The following ZNF131 variants were observed in gnomAD, a reference collection of about 807,000 sequenced individuals.
The protein encoded by ZNF131 is zinc finger and BTB domain containing 35, also known as zinc finger protein 131.
A neutral mutation model predicts 60.0 loss-of-function variants in ZNF131; 7 were observed. That is an observed-to-expected ratio of 0.12 (90% CI 0.07 to 0.22). The LOEUF (loss-of-function observed/expected upper bound fraction) is 0.22. Among genes scored for constraint, ZNF131 ranks in the 10% least tolerant of loss-of-function variants. The pLI is 1.00. For synonymous variants in ZNF131, 257 were observed against 253.2 expected (o/e 1.01, Z -0.14); for missense variants, 493 against 740.9 (o/e 0.67, Z 3.88).
chr5:43,122,248 T>A, intron 2 of ZNF131, 71 bp downstream of exon 2: 2 of 147,962 alleles, frequency 1.4e-5, no homozygotes, highest in Non-Finnish European at 2.2e-5. Flanking sequence ...ACACCCGCCT[T>A]TTTTTTTTTT....
chr5:43,123,951 G>A (rs1265320733), intron 3 of ZNF131: 3 of 152,304 alleles, frequency 2.0e-5, no homozygotes, highest in Admixed American at 1.3e-4. Flanking sequence ...TTTGTGTATT[G>A]TCTAAGGCTC....
At chr5:43,151,196 C>CT (rs1261441285) in intron 4 of ZNF131, among the ~76,000 whole-genome samples, 2 of 152,176 alleles carry the variant, frequency 1.3e-5, no homozygotes, top group Non-Finnish European at 2.9e-5. Flanking sequence ...AACATATCAG[C>CT]TTAAGTCATG....
intron 5 of ZNF131, among the ~76,000 whole-genome samples, chr5:43,171,934 TA>T (rs1316386579): frequency 1.3e-5 from 2 of 152,142 alleles, no homozygotes; most frequent in African/African-American, 4.8e-5. Context: ...GTTTTATTTT[TA>T]AATAGAGATG....
intron 3 of ZNF131, among the ~76,000 whole-genome samples, chr5:43,138,782 TA>T: frequency 6.6e-6 from 1 of 152,312 alleles, no homozygotes; most frequent in East Asian, 1.9e-4. Context: ...GGCCTTGAAA[TA>T]AAGTCAGAGA....
intron 1 of ZNF131, 80 bp from the exon 2 acceptor site, chr5:43,121,959 T>A (rs1743902582): frequency 2.1e-6 from 3 of 1,434,080 alleles, no homozygotes; most frequent in Non-Finnish European, 2.8e-6. Context: ...CTGGTTTTTT[T>A]TGTTGTTGTT....
At chr5:43,143,898 CTTTTTTTTTTTTTT>C (rs79246574) in intron 4 of ZNF131, among the ~76,000 whole-genome samples, 44 of 34,994 alleles carry the variant, frequency 1.3e-3, no homozygotes, top group South Asian at 6.1e-3. Context: ...ATTGTCAGAG[CTTTTTTTTTTTTTT>C]TTTTTTTTTT....
chr5:43,125,308 CT>C (rs1744384963), intron 3 of ZNF131, among the ~76,000 whole-genome samples: 1 of 149,654 alleles, frequency 6.7e-6, no homozygotes, highest in African/African-American at 2.4e-5. Context: ...TTTTTTTTTT[CT>C]TTTTTTTGGA....
At chr5:43,171,943 A>G (rs890918111) in intron 5 of ZNF131, among the ~76,000 whole-genome samples, 1 of 152,052 alleles carries the variant, frequency 6.6e-6, no homozygotes, top group Non-Finnish European at 1.5e-5. Context: ...TTAAATAGAG[A>G]TGGGGTCTCA....
chr5:43,143,397 C>G (rs976328389), intron 4 of ZNF131: 1 of 1,401,530 alleles, frequency 7.1e-7, no homozygotes, highest in African/African-American at 1.5e-5. Flanking sequence ...ATGGACTGCA[C>G]ATAGTCCTCA....
intron 5 of ZNF131, among the ~76,000 whole-genome samples, chr5:43,165,382 T>G (rs1460119126): frequency 6.6e-6 from 1 of 152,142 alleles, no homozygotes; most frequent in African/African-American, 2.4e-5. Context: ...TGGTGTGGCC[T>G]TGTATTTCTT....
At chr5:43,122,615 C>G (rs570812067) in intron 2 of ZNF131, among the ~76,000 whole-genome samples, 31 of 152,244 alleles carry the variant, frequency 2.0e-4, no homozygotes, top group South Asian at 1.0e-3. Flanking sequence ...CTCATACCCC[C>G]TTTGAGAATC....
chr5:43,135,321 A>G (rs992952251), intron 3 of ZNF131, among the ~76,000 whole-genome samples: 6 of 149,678 alleles, frequency 4.0e-5, no homozygotes, highest in Non-Finnish European at 6.0e-5. Context: ...TACACTAACA[A>G]TGAACTATCT....
At chr5:43,165,494 T>G (rs577298184) in intron 5 of ZNF131, among the ~76,000 whole-genome samples, 1 of 152,348 alleles carries the variant, frequency 6.6e-6, no homozygotes, top group South Asian at 2.1e-4. Flanking sequence ...TACCTCTCCC[T>G]CTGAACTCTT....
chr5:43,122,425 T>G (rs1399222123), intron 2 of ZNF131, among the ~76,000 whole-genome samples: 3 of 152,198 alleles, frequency 2.0e-5, no homozygotes, highest in Non-Finnish European at 2.9e-5. Flanking sequence ...TTTTAACTTC[T>G]TACATCCTGT....
intron 3 of ZNF131, among the ~76,000 whole-genome samples, chr5:43,130,917 G>A (rs554055829): frequency 6.6e-6 from 1 of 151,278 alleles, no homozygotes; most frequent in African/African-American, 2.4e-5. Flanking sequence ...AGGCTGGAGT[G>A]CAGTGGCATG....
chr5:43,131,292 C>G (rs1353866760), intron 3 of ZNF131, among the ~76,000 whole-genome samples: 1 of 152,154 alleles, frequency 6.6e-6, no homozygotes, highest in African/African-American at 2.4e-5. Context: ...CCTGCCTCAG[C>G]CTCCCGAGTA....
At chr5:43,144,174 G>A (rs770349239) in intron 4 of ZNF131, among the ~76,000 whole-genome samples, 22 of 148,342 alleles carry the variant, frequency 1.5e-4, no homozygotes, top group Non-Finnish European at 3.3e-4. Context: ...CACTTGTCTC[G>A]GCCTCCCAAA....
intron 5 of ZNF131, among the ~76,000 whole-genome samples, chr5:43,162,620 G>A (rs1238049421): frequency 1.5e-5 from 2 of 131,350 alleles, no homozygotes; most frequent in East Asian, 2.5e-4. Context: ...AGAAAAAAAA[G>A]CGGCCAGGCG....
At chr5:43,164,296 G>C (rs963269679) in intron 5 of ZNF131, among the ~76,000 whole-genome samples, 6 of 152,124 alleles carry the variant, frequency 3.9e-5, no homozygotes, top group African/African-American at 4.8e-5. Flanking sequence ...TTGAGTGTGC[G>C]TGGATTTTGC....
Sources: allele counts gnomAD v4.1 joint callset (sites outside exome capture counted in the v4.1 genomes callset), GRCh38; gene constraint gnomAD v4.1.1; transcripts MANE v1.5; gene names NCBI Gene and HGNC (gene_info 2026-07-23, HGNC 2026-07-21).